The following TPO variants were observed in gnomAD, a reference collection of about 807,000 sequenced individuals.
The protein encoded by TPO is thyroid microsomal antigen.
Under a neutral mutation model 96.9 loss-of-function variants are expected in TPO, and 78 were observed. The ratio of observed to expected loss-of-function variants is 0.81; its 90% CI spans 0.67 to 0.97. TPO has a LOEUF of 0.97. Among genes scored for constraint, TPO ranks in the 50% least tolerant of loss-of-function variants. TPO has a pLI of 0.00. For synonymous variants in TPO, 547 were observed against 538.0 expected, an observed-to-expected ratio of 1.02 and a Z score of -0.23; for missense variants, 1,252 against 1,274.8, an observed-to-expected ratio of 0.98 and a Z score of 0.27.
chr2:1,446,216 G>C (rs1573221953), intron 5 of TPO, among the ~76,000 whole-genome samples: 2 of 152,290 alleles, frequency 1.3e-5, no homozygotes, highest in South Asian at 4.1e-4. Flanking sequence ...CCATTGCTTT[G>C]ATCTTCATCA....
rs752785714 is a variant in TPO, at chr2:1,542,511, TTCCCAAAA to T, written c.*40_*47del. 75 of 1,613,504 alleles carry T rather than the reference TTCCCAAAA, an allele frequency of 4.6e-5. No homozygotes were observed. Among genetic ancestry groups the T allele is most frequent in the Non-Finnish European group, 6.2e-5 (73 of 1,179,870 alleles). On this transcript the variant is annotated 3_prime_UTR_variant, in exon 17 of 17. Coordinates refer to ENST00000329066, the MANE Select transcript of TPO (RefSeq NM_001206744.2). The stretch of plus-strand genomic sequence containing the variant: ...CAGGACACTGCAGAACAGCTTCATG[TTCCCAAAA>T]TCACCGTACGACTCTTTTCCAAACA...
At chr2:1,458,617 C>T (rs550305526) in intron 7 of TPO, among the ~76,000 whole-genome samples, 16 of 151,980 alleles carry the variant, frequency 1.1e-4, no homozygotes, top group African/African-American at 3.6e-4. Context: ...TGTGTGGGCA[C>T]GTGTGTTTAT....
intron 3 of TPO, among the ~76,000 whole-genome samples, chr2:1,427,982 A>G (rs536291041): frequency 6.6e-6 from 1 of 152,288 alleles, no homozygotes; most frequent in Non-Finnish European, 1.5e-5. Flanking sequence ...AAATGAAGCT[A>G]TTGGATGATG....
At chr2:1,531,476 C>G (rs1678231042) in intron 15 of TPO, among the ~76,000 whole-genome samples, 1 of 76,544 alleles carries the variant, frequency 1.3e-5, no homozygotes, top group Non-Finnish European at 2.3e-5. Flanking sequence ...GCAGCCTCCC[C>G]AAATCCTCCC....
At chr2:1,449,998 G>C (rs529418912) in intron 5 of TPO, among the ~76,000 whole-genome samples, 1 of 152,122 alleles carries the variant, frequency 6.6e-6, no homozygotes, top group Non-Finnish European at 1.5e-5. Context: ...ACCTGACAGG[G>C]TGTCAGGCGT....
chr2:1,409,391 A>G (rs1662293560), upstream of TPO, among the ~76,000 whole-genome samples: 1 of 152,240 alleles, frequency 6.6e-6, no homozygotes, highest in Non-Finnish European at 1.5e-5. Flanking sequence ...AACAAAGCTG[A>G]ATAATTTTTC....
At chr2:1,434,216 T>G (rs1514687) in intron 4 of TPO, among the ~76,000 whole-genome samples, 130,243 of 151,790 alleles carry the variant, frequency 0.86, 56,107 homozygotes, top group South Asian at 0.93. Flanking sequence ...CATTCAAAAG[T>G]CATATTGGTG....
chr2:1,464,974 T>C (rs1668766203), intron 7 of TPO, among the ~76,000 whole-genome samples: 1 of 152,202 alleles, frequency 6.6e-6, no homozygotes, highest in African/African-American at 2.4e-5. Flanking sequence ...AATCCTTGCC[T>C]GAGCCAATAG....
intron 15 of TPO, among the ~76,000 whole-genome samples, chr2:1,538,650 A>G (rs1215594119): frequency 6.6e-6 from 1 of 152,166 alleles, no homozygotes; most frequent in African/African-American, 2.4e-5. Flanking sequence ...CTCTGTTAAG[A>G]CATGGTTGCT....
intron 3 of TPO, among the ~76,000 whole-genome samples, chr2:1,426,559 G>A (rs1441675112): frequency 6.6e-6 from 1 of 152,008 alleles, no homozygotes; most frequent in African/African-American, 2.4e-5. Context: ...ACAGAGATAA[G>A]TTAGATCATT....
In TPO at chr2:1,492,892, G is replaced by A. The variant is rs994627146; in HGVS notation, c.1769-910G>A. On this transcript the variant is annotated intron_variant, in intron 10 of 16. Coordinates refer to ENST00000329066, the MANE Select transcript of TPO (RefSeq NM_001206744.2). ...ATCAGAACCCGTGGGAGTGAGGGTC[G>A]CCCATCCTTGAGGAGGGAGCACTTC... Among the ~76,000 whole-genome samples the A allele has an allele frequency of 4.6e-5, 7 of 152,258 alleles. 1 individual carries two copies. Among genetic ancestry groups the A allele is most frequent in the African/African-American group, 1.4e-4 (6 of 41,562 alleles).
chr2:1,449,812 T>A (rs1667159727), intron 5 of TPO, among the ~76,000 whole-genome samples: 1 of 152,180 alleles, frequency 6.6e-6, no homozygotes, highest in Non-Finnish European at 1.5e-5. Flanking sequence ...CTCATGCCGA[T>A]TATAGAAAGC....
intron 15 of TPO, among the ~76,000 whole-genome samples, chr2:1,529,664 A>AC (rs1461502172): frequency 1.7e-5 from 1 of 57,226 alleles, no homozygotes; most frequent in Non-Finnish European, 3.5e-5. Context: ...ACCTCCTATC[A>AC]CCCCCACTGT....
At chr2:1,503,737 A>T in intron 13 of TPO, 1 of 857,690 alleles carries the variant, frequency 1.2e-6, no homozygotes, top group South Asian at 1.4e-5. Context: ...CTGCAGGCTC[A>T]GAGCCCGTGG....
chr2:1,400,833 A>G (rs1662156909), intron 1 of TPO, among the ~76,000 whole-genome samples: 1 of 152,214 alleles, frequency 6.6e-6, no homozygotes, highest in Admixed American at 6.5e-5. Flanking sequence ...GGTAAGCCAA[A>G]GGGGATCTTT....
chr2:1,484,630 T>C lies in TPO; in HGVS notation c.1373T>C (p.Leu458Pro), dbSNP rs1231870370. The C allele has an allele frequency of 6.2e-7, 1 of 1,614,144 alleles. No individual in the cohort carries two copies. The part of the protein sequence containing the change: ...ITLRDYIPRI[L>P]GPEAFQQYVG... ...CTGAGGGATTACATCCCCAGGATCC[T>C]GGGACCCGAGGCCTTCCAGCAGTAC... is the stretch of plus-strand genomic sequence containing the variant. The change falls in exon 9 of 17, where the codon CTG becomes CCG. Residue 458 changes from leucine (L) to proline (P), a missense_variant. Physicochemically the swap from Leu to Pro is moderately conservative, Grantham distance 98. Coordinates refer to ENST00000329066, the MANE Select transcript of TPO (RefSeq NM_001206744.2).
At chr2:1,473,139 G>A (rs528538726) in intron 7 of TPO, among the ~76,000 whole-genome samples, 115 of 152,262 alleles carry the variant, frequency 7.6e-4, no homozygotes, top group African/African-American at 2.7e-3. Flanking sequence ...TATAAGGCCA[G>A]GTCTACTTAT....
At chr2:1,533,421 A>C (rs1484323833) in intron 15 of TPO, among the ~76,000 whole-genome samples, 64 of 48,738 alleles carry the variant, frequency 1.3e-3, no homozygotes, top group Admixed American at 2.1e-3. Context: ...AAATCCCCCC[A>C]AATGTGTGCA....
intron 1 of TPO, among the ~76,000 whole-genome samples, chr2:1,404,283 T>C (rs1328030311): frequency 6.6e-6 from 1 of 152,142 alleles, no homozygotes; most frequent in Non-Finnish European, 1.5e-5. Context: ...CCAATTGTGG[T>C]AATGCAGTAG....
Sources: allele counts gnomAD v4.1 joint callset (sites outside exome capture counted in the v4.1 genomes callset), GRCh38; gene constraint gnomAD v4.1.1; transcripts MANE v1.5; gene names NCBI Gene and HGNC (gene_info 2026-07-23, HGNC 2026-07-21).